The following WDR72 variants were observed in gnomAD, a reference collection of about 807,000 sequenced individuals.
WDR72 encodes WD repeat-containing protein 72.
WDR72 carries 120 observed loss-of-function variants against 124.2 expected under a neutral mutation model. The ratio of observed to expected loss-of-function variants is 0.97; its 90% CI spans 0.83 to 1.12. The LOEUF (loss-of-function observed/expected upper bound fraction) is 1.12. Ranked by LOEUF, WDR72 falls within the 50% of genes most tolerant of loss-of-function variation. The pLI is 0.00. For missense variants in WDR72, 1,387 were observed against 1,278.8 expected (o/e 1.08, Z -1.29); for synonymous variants, 452 against 441.7 (o/e 1.02, Z -0.29).
rs751705964 is a variant in WDR72, at chr15:53,616,261, A to G, written c.1963-18T>C. 2 of 1,580,490 alleles carry G rather than the reference A, an allele frequency of 1.3e-6. No homozygotes were observed. Among genetic ancestry groups the G allele is most frequent in the Non-Finnish European group, 1.7e-6 (2 of 1,162,970 alleles). On this transcript the variant is annotated intron_variant, in intron 14 of 19. Transcript: ENST00000360509. ...TCAGTAACCTAAGGGAACAAAAAAT[A>G]TTTGTGTCAAAGTTCTTGCTTATTA...
At position 53,514,240 on chromosome 15, in the gene WDR72, G is replaced by A. The variant is rs935827680; in HGVS notation, c.*3459C>T. 18 of 152,122 alleles carry A rather than the reference G, an allele frequency of 1.2e-4. No individual in the cohort carries two copies. Among genetic ancestry groups the A allele is most frequent in the Admixed American group, 5.2e-4 (8 of 15,266 alleles). 9.4% of individuals were successfully genotyped at this position (152,122 alleles called of 1,614,324 possible). On this transcript the variant is annotated 3_prime_UTR_variant, in exon 20 of 20. Coordinates refer to ENST00000360509, the MANE Select transcript of WDR72 (RefSeq NM_182758.4). ...CACTTTACATATAAGACAACATTTT[G>A]TGGAGAATAAAGGAGTCTATAACAC...
At chr15:53,679,893 G>C (rs1381966681) in intron 13 of WDR72, among the ~76,000 whole-genome samples, 1 of 150,398 alleles carries the variant, frequency 6.6e-6, no homozygotes, top group Admixed American at 6.6e-5. Flanking sequence ...ATAATAACTG[G>C]AGCAAGGTCT....
At chr15:53,690,281 T>C (rs1345997148) in intron 13 of WDR72, among the ~76,000 whole-genome samples, 1 of 152,188 alleles carries the variant, frequency 6.6e-6, no homozygotes, top group East Asian at 1.9e-4. Context: ...TTTATTTAAA[T>C]TGATGTAACA....
At chr15:53,569,630 G>T (rs1026213127) in intron 18 of WDR72, among the ~76,000 whole-genome samples, 4 of 151,990 alleles carry the variant, frequency 2.6e-5, no homozygotes, top group Non-Finnish European at 5.9e-5. Context: ...AAGACCAAAT[G>T]TTGAATGTGG....
At chr15:53,588,291 A>G (rs2012323956) in intron 18 of WDR72, among the ~76,000 whole-genome samples, 1 of 152,010 alleles carries the variant, frequency 6.6e-6, no homozygotes, top group African/African-American at 2.4e-5. Flanking sequence ...CAAGATTAAT[A>G]AGTTCCAACT....
chr15:53,701,563 A>T (rs112744790), intron 12 of WDR72, among the ~76,000 whole-genome samples: 36,825 of 99,148 alleles, frequency 0.37, 5,084 homozygotes, highest in African/African-American at 0.48. Context: ...TCTCTCTCAC[A>T]CACACACACA....
Position 53,699,835 on chromosome 15 carries a change from C to G in WDR72, c.1680G>C (p.Val560=), listed in dbSNP as rs762717647. ...LLHARKHLFP[V]RMIKWHPVEN... ...CAACCGGGTGCCATTTTATCATCCT[C>G]ACAGGAAAAAGGTGCTTCCGGGCAT... Residue 560 remains valine, a synonymous_variant, in exon 13 of 20, where the codon GTG becomes GTC. Coordinates refer to ENST00000360509, the MANE Select transcript of WDR72 (RefSeq NM_182758.4). The G allele has an allele frequency of 1.2e-6, 2 of 1,614,150 alleles. No individual in the cohort carries two copies. Among genetic ancestry groups the G allele is most frequent in the South Asian group, 2.2e-5 (2 of 91,078 alleles).
At chr15:53,754,188 C>G (rs1036421475) in intron 1 of WDR72, among the ~76,000 whole-genome samples, 1 of 152,098 alleles carries the variant, frequency 6.6e-6, no homozygotes, top group Non-Finnish European at 1.5e-5. Flanking sequence ...AAAACCTATT[C>G]ATTATGTATG....
At chr15:53,707,627 T>C (rs184532619) in intron 9 of WDR72, among the ~76,000 whole-genome samples, 8 of 152,136 alleles carry the variant, frequency 5.3e-5, no homozygotes, top group African/African-American at 1.9e-4. Flanking sequence ...TTTGTATTTT[T>C]AGTAGAGATG....
At chr15:53,534,629 G>A (rs1892652809) in intron 18 of WDR72, among the ~76,000 whole-genome samples, 1 of 152,024 alleles carries the variant, frequency 6.6e-6, no homozygotes, top group Non-Finnish European at 1.5e-5. Flanking sequence ...TATGATTCAT[G>A]CTACCTAACA....
chr15:53,608,954 T>C (rs1331420494), intron 17 of WDR72, among the ~76,000 whole-genome samples: 1 of 151,972 alleles, frequency 6.6e-6, no homozygotes, highest in Non-Finnish European at 1.5e-5. Flanking sequence ...AGGGTGATTA[T>C]AGTCAATAAT....
chr15:53,699,462 T>A (rs936425297), intron 13 of WDR72, among the ~76,000 whole-genome samples: 23 of 152,230 alleles, frequency 1.5e-4, no homozygotes, highest in Non-Finnish European at 2.5e-4. Flanking sequence ...ATTTCTCTCT[T>A]GTTAATAATT....
chr15:53,698,188 G>T (rs896609672), intron 13 of WDR72, among the ~76,000 whole-genome samples: 1 of 152,026 alleles, frequency 6.6e-6, no homozygotes, highest in Non-Finnish European at 1.5e-5. Flanking sequence ...TCCCACTCTG[G>T]CAAAGAAATA....
intron 4 of WDR72, among the ~76,000 whole-genome samples, chr15:53,716,070 G>A (rs2140560318): frequency 6.6e-6 from 1 of 152,266 alleles, no homozygotes; most frequent in South Asian, 2.1e-4. Context: ...CACTAAGAGT[G>A]TAAAATATTT....
rs762452170 is a variant in WDR72 at position 53,613,630 on chromosome 15, A to C, written c.2872+36T>G. 6.2e-6 allele frequency: 9 copies of C among 1,460,546 alleles called. No homozygotes were observed. The African/African-American group carries it at 9.7e-5, about 16-fold the overall frequency. 90.5% of individuals were successfully genotyped at this position (1,460,546 alleles called of 1,614,324 possible). The stretch of plus-strand genomic sequence containing the variant: ...TAGTTATGTCCTTTCACAGAAAAAA[A>C]AAATCAGATCATATCTGTGCCAGTA... On this transcript the variant is annotated intron_variant, in intron 16 of 19. Transcript: ENST00000360509.
intron 17 of WDR72, among the ~76,000 whole-genome samples, chr15:53,608,461 G>A (rs950508466): frequency 3.6e-5 from 5 of 138,242 alleles, no homozygotes; most frequent in African/African-American, 7.3e-5. Flanking sequence ...GTGGAATCTC[G>A]CAATCAAAAC....
rs766022675 is a variant in WDR72, at chr15:53,523,206, A to C, written c.3253+12T>G. 1.2e-6 allele frequency: 2 copies of C among 1,611,550 alleles called. No homozygotes were observed. Among genetic ancestry groups the C allele is most frequent in the Non-Finnish European group, 1.7e-6 (2 of 1,178,240 alleles). On this transcript the variant is annotated intron_variant, in intron 19 of 19. Transcript: ENST00000360509. ...ATCATTTTATACTTGACTATTTTTAAATGGCTTTCACCTGGACTCTCAGAC... is the reference window on the plus strand; with the variant it reads ...ATCATTTTATACTTGACTATTTTTACATGGCTTTCACCTGGACTCTCAGAC...
intron 18 of WDR72, among the ~76,000 whole-genome samples, chr15:53,525,672 C>A (rs948387771): frequency 6.6e-6 from 1 of 152,014 alleles, no homozygotes; most frequent in African/African-American, 2.4e-5. Flanking sequence ...GTTTTAGCTG[C>A]ATGATCTTCA....
At chr15:53,739,314 G>A (rs2018443874) in intron 1 of WDR72, among the ~76,000 whole-genome samples, 1 of 152,116 alleles carries the variant, frequency 6.6e-6, no homozygotes, top group South Asian at 2.1e-4. Flanking sequence ...GGCAGTCCTG[G>A]GACCCTTAGT....
Sources: allele counts gnomAD v4.1 joint callset (sites outside exome capture counted in the v4.1 genomes callset), GRCh38; gene constraint gnomAD v4.1.1; transcripts MANE v1.5; gene names NCBI Gene and HGNC (gene_info 2026-07-23, HGNC 2026-07-21).